The following ASTN2 variants were observed in gnomAD, a reference collection of about 807,000 sequenced individuals.
ASTN2 encodes the protein astrotactin 2.
A neutral mutation model predicts 139.8 loss-of-function variants in ASTN2; 54 were observed. The ratio of observed to expected loss-of-function variants is 0.39; its 90% CI spans 0.31 to 0.48. The LOEUF (loss-of-function observed/expected upper bound fraction) is 0.48, where lower values mean the gene tolerates loss of function less well. Ranked by LOEUF, ASTN2 falls within the 20% of genes least tolerant of loss-of-function variation. The pLI, the probability that ASTN2 is intolerant of heterozygous loss-of-function variation, is 0.95. For missense variants in ASTN2, 1,565 were observed against 1,725.1 expected (o/e 0.91, Z 1.64); for synonymous variants, 756 against 719.5 (o/e 1.05, Z -0.81).
intron 13 of ASTN2, among the ~76,000 whole-genome samples, chr9:116,777,179 C>T (rs1005054849): frequency 2.6e-5 from 4 of 152,130 alleles, no homozygotes; most frequent in Admixed American, 6.5e-5. Flanking sequence ...CAGAGACTCT[C>T]ACCCCTCTCT....
At chr9:117,040,104 C>A in intron 5 of ASTN2, 139 bp from the exon 6 acceptor site, 1 of 1,030,250 alleles carries the variant, frequency 9.7e-7, no homozygotes, top group Non-Finnish European at 1.4e-6. Flanking sequence ...TGTTTTCTAA[C>A]CTTTGTGCCT....
At chr9:116,829,289 G>A (rs1036610344) in intron 11 of ASTN2, among the ~76,000 whole-genome samples, 1 of 150,364 alleles carries the variant, frequency 6.7e-6, no homozygotes, top group African/African-American at 2.5e-5. Context: ...CAAAACCATG[G>A]TATTGGTATA....
chr9:117,305,330 G>A (rs936434322), intron 1 of ASTN2, among the ~76,000 whole-genome samples: 3 of 152,184 alleles, frequency 2.0e-5, no homozygotes, highest in Admixed American at 6.5e-5. Flanking sequence ...TGTTCCCTGT[G>A]CAAAAGTCAT....
At chr9:116,807,850 G>A (rs751231698) in intron 12 of ASTN2, among the ~76,000 whole-genome samples, 1 of 151,744 alleles carries the variant, frequency 6.6e-6, no homozygotes, top group East Asian at 1.9e-4. Context: ...AGTGGCTCAC[G>A]CCTGTAATCC....
intron 13 of ASTN2, among the ~76,000 whole-genome samples, chr9:116,798,511 C>T (rs1830758729): frequency 6.6e-6 from 1 of 152,170 alleles, no homozygotes; most frequent in African/African-American, 2.4e-5. Flanking sequence ...TGTTTGACTG[C>T]TAGGCTAGTT....
At chr9:117,225,533 ATG>A (rs1365341609) in intron 2 of ASTN2, among the ~76,000 whole-genome samples, 2 of 55,558 alleles carry the variant, frequency 3.6e-5, no homozygotes, top group Non-Finnish European at 6.8e-5. Context: ...GCCAAGCTGT[ATG>A]TATATATATA....
At chr9:116,789,291 G>A (rs1023795021) in intron 13 of ASTN2, among the ~76,000 whole-genome samples, 3 of 152,164 alleles carry the variant, frequency 2.0e-5, no homozygotes, top group Non-Finnish European at 2.9e-5. Context: ...AGGGTTTAAG[G>A]TTCTTTCAAA....
chr9:117,209,044 C>G (rs997535796), intron 3 of ASTN2, among the ~76,000 whole-genome samples: 3 of 152,108 alleles, frequency 2.0e-5, no homozygotes, highest in Non-Finnish European at 4.4e-5. Flanking sequence ...ATACAACTCA[C>G]TGGTAGAGCC....
At chr9:116,924,265 A>AT (rs1834692454) in intron 10 of ASTN2, among the ~76,000 whole-genome samples, 2 of 150,798 alleles carry the variant, frequency 1.3e-5, no homozygotes, top group African/African-American at 2.4e-5. Context: ...AAAAAAAAAA[A>AT]AAAAAAAAAA....
intron 2 of ASTN2, among the ~76,000 whole-genome samples, chr9:117,252,596 G>T (rs188740847): frequency 4.6e-5 from 7 of 152,052 alleles, no homozygotes; most frequent in African/African-American, 1.7e-4. Context: ...AAAACAAATC[G>T]TTATGTTGTT....
At chr9:116,803,518 ATATATTTTTT>A (rs1274791837) in intron 13 of ASTN2, among the ~76,000 whole-genome samples, 2 of 5,084 alleles carry the variant, frequency 3.9e-4, no homozygotes, top group Non-Finnish European at 3.2e-4. Context: ...ATATATATAT[ATATATTTTTT>A]TTTTTTTTTT....
intron 3 of ASTN2, among the ~76,000 whole-genome samples, chr9:117,208,472 G>T (rs1435934391): frequency 6.6e-6 from 1 of 151,630 alleles, no homozygotes; most frequent in Non-Finnish European, 1.5e-5. Flanking sequence ...GAAAAGAAAA[G>T]AAAGAATAAA....
chr9:117,140,241 A>G (rs188153702), intron 4 of ASTN2, among the ~76,000 whole-genome samples: 1 of 152,258 alleles, frequency 6.6e-6, no homozygotes, highest in Non-Finnish European at 1.5e-5. Context: ...GAGCACAACA[A>G]TCTAGGAAAG....
chr9:116,457,048 C>T (rs895901447), intron 20 of ASTN2, among the ~76,000 whole-genome samples: 4 of 152,232 alleles, frequency 2.6e-5, no homozygotes, highest in African/African-American at 7.2e-5. Flanking sequence ...AATAAATCCA[C>T]ACATCCACAG....
intron 2 of ASTN2, among the ~76,000 whole-genome samples, chr9:117,222,021 C>A (rs970891631): frequency 1.3e-5 from 2 of 152,108 alleles, no homozygotes; most frequent in African/African-American, 4.8e-5. Flanking sequence ...TATAACTTTC[C>A]ATTTCTCTCT....
At chr9:116,853,681 CT>C (rs1202172200) in intron 11 of ASTN2, among the ~76,000 whole-genome samples, 1 of 152,180 alleles carries the variant, frequency 6.6e-6, no homozygotes, top group African/African-American at 2.4e-5. Context: ...CTAGCCCGCC[CT>C]TGGGCTGCAC....
intron 16 of ASTN2, among the ~76,000 whole-genome samples, chr9:116,689,404 A>G (rs1219636839): frequency 6.6e-6 from 1 of 152,212 alleles, no homozygotes; most frequent in East Asian, 1.9e-4. Context: ...GTAAGTTCTC[A>G]AAATCTAGTA....
At chr9:116,459,191 T>C (rs925270404) in intron 20 of ASTN2, among the ~76,000 whole-genome samples, 1 of 152,006 alleles carries the variant, frequency 6.6e-6, no homozygotes, top group African/African-American at 2.4e-5. Flanking sequence ...CTTTATCAAA[T>C]GGAACACTTG....
chr9:116,504,895 C>CA (rs386416022), intron 19 of ASTN2, among the ~76,000 whole-genome samples: 2,131 of 91,608 alleles, frequency 0.023, 69 homozygotes, highest in African/African-American at 0.042. Flanking sequence ...AATCCTGTCT[C>CA]AAAAAAAAAA....
Sources: gnomAD v4.1 joint callset for allele counts (sites outside exome capture counted in the v4.1 genomes callset) on GRCh38, gnomAD v4.1.1 for gene constraint, MANE v1.5 for transcripts, NCBI Gene and HGNC (gene_info 2026-07-23, HGNC 2026-07-21) for gene names.